Variants in HYAL4 observed in about 807,000 individuals in gnomAD.
The protein encoded by HYAL4 is hyaluronidase-4.
A neutral mutation model predicts 35.2 loss-of-function variants in HYAL4; 37 were observed. The observed-to-expected ratio is 1.05, with a 90% CI of 0.81 to 1.38. The LOEUF (loss-of-function observed/expected upper bound fraction) is 1.38. Among genes scored for constraint, HYAL4 ranks in the 40% most tolerant of loss-of-function variants. The probability of loss-of-function intolerance (pLI) is 0.00; values close to 1 mark genes in which losing one functional copy is unlikely to be tolerated. For synonymous variants in HYAL4, 198 were observed against 203.2 expected, an observed-to-expected ratio of 0.97 and a Z score of 0.22; for missense variants, 572 against 572.4, an observed-to-expected ratio of 1.00 and a Z score of 0.01.
At chr7:123,826,688 A>G (rs2116901755), upstream of HYAL4, among the ~76,000 whole-genome samples, 1 of 152,162 alleles carries the variant, frequency 6.6e-6, no homozygotes, top group Middle Eastern at 3.4e-3. Flanking sequence ...TTTATTATTG[A>G]TTCCTATTTT....
chr7:123,777,761 A>T, the HYAL4 span, among the ~76,000 whole-genome samples: 1 of 152,152 alleles, frequency 6.6e-6, no homozygotes, highest in Non-Finnish European at 1.5e-5. Flanking sequence ...GATTATAAAC[A>T]GAATTTTGTA....
chr7:123,776,375 C>T, the HYAL4 span, among the ~76,000 whole-genome samples: 3 of 152,060 alleles, frequency 2.0e-5, no homozygotes, highest in Non-Finnish European at 4.4e-5. Context: ...AATTATGGCC[C>T]TTTGGGGAGA....
chr7:123,814,706 ACT>A, the HYAL4 span: 1 of 152,560 alleles, frequency 6.6e-6, no homozygotes, highest in Non-Finnish European at 1.5e-5. Flanking sequence ...CATGAACATT[ACT>A]CTCACATTGG....
At chr7:123,791,429 A>G in the HYAL4 span, among the ~76,000 whole-genome samples, 2 of 152,246 alleles carry the variant, frequency 1.3e-5, no homozygotes, top group Admixed American at 6.5e-5. Flanking sequence ...AAGAGATGGT[A>G]TGCTTCTTTA....
At chr7:123,850,622 C>A (rs1468341002) in intron 2 of HYAL4, among the ~76,000 whole-genome samples, 1 of 152,166 alleles carries the variant, frequency 6.6e-6, no homozygotes, top group Non-Finnish European at 1.5e-5. Flanking sequence ...AGTCTCTTTA[C>A]CTAAGTACTA....
intron 2 of HYAL4, among the ~76,000 whole-genome samples, chr7:123,865,963 G>T (rs1236178873): frequency 6.6e-6 from 1 of 152,104 alleles, no homozygotes; most frequent in Non-Finnish European, 1.5e-5. Flanking sequence ...CATGCTCAGG[G>T]GAACCACCCT....
At position 123,877,304 on chromosome 7, in the gene HYAL4, T is replaced by C; in HGVS notation, c.*149T>C. ...TGTCACTTAACATAAACAGAAACAT[T>C]ATTTTATTTGCCTCCAGTCTGGCTA... On this transcript the variant is annotated 3_prime_UTR_variant, in exon 5 of 5. Transcript: ENST00000223026. 1.3e-6 allele frequency: 1 copy of C among 790,502 alleles called. No homozygotes were observed. Among genetic ancestry groups the C allele is most frequent in the Non-Finnish European group, 1.9e-6 (1 of 518,904 alleles). 49.0% of individuals were successfully genotyped at this position (790,502 alleles called of 1,614,324 possible). A position where few individuals can be genotyped will look rare whatever the true frequency, so the allele number is the denominator to read the frequency against.
the HYAL4 span, among the ~76,000 whole-genome samples, chr7:123,793,343 A>T: frequency 6.6e-6 from 1 of 152,210 alleles, no homozygotes; most frequent in Non-Finnish European, 1.5e-5. Context: ...CCTTATGCCT[A>T]ACTGTTTTAC....
chr7:123,776,207 G>C, the HYAL4 span, among the ~76,000 whole-genome samples: 5 of 152,312 alleles, frequency 3.3e-5, no homozygotes, highest in African/African-American at 1.2e-4. Context: ...TTGGGAACTG[G>C]TAGGATAAGC....
At position 123,874,808 on chromosome 7, in the gene HYAL4, A is replaced by G. The variant is rs1806969380; in HGVS notation, c.1002A>G (p.Ala334=). 6.2e-7 allele frequency: 1 copy of G among 1,610,216 alleles called. No individual in the cohort carries two copies. Among genetic ancestry groups the G allele is most frequent in the Admixed American group, 1.7e-5 (1 of 59,994 alleles). ...GAGAAAGTGCTGCCTTGGGAGCTGCAGGCATTGTTATTTGGGGAGACATGA... is the reference window on the plus strand; with the variant it reads ...GAGAAAGTGCTGCCTTGGGAGCTGCGGGCATTGTTATTTGGGGAGACATGA... ...TIGESAALGA[A]GIVIWGDMNL... The change falls in exon 4 of 5, where the codon GCA becomes GCG. Residue 334 remains alanine, a synonymous_variant. Coordinates refer to ENST00000223026, the MANE Select transcript of HYAL4 (RefSeq NM_012269.3).
the HYAL4 span, among the ~76,000 whole-genome samples, chr7:123,777,299 AAG>A: frequency 6.6e-6 from 1 of 152,078 alleles, no homozygotes; most frequent in Non-Finnish European, 1.5e-5. Flanking sequence ...CAGTATAAAA[AAG>A]AATGTAAAAT....
chr7:123,794,542 G>T, the HYAL4 span, among the ~76,000 whole-genome samples: 2 of 152,200 alleles, frequency 1.3e-5, no homozygotes, highest in Non-Finnish European at 2.9e-5. Flanking sequence ...CTGAGTCCCA[G>T]CTGCTTCAGC....
chr7:123,809,260 C>T, the HYAL4 span, among the ~76,000 whole-genome samples: 3 of 152,172 alleles, frequency 2.0e-5, no homozygotes, highest in Non-Finnish European at 4.4e-5. Context: ...TCAAGAGAAT[C>T]CCCTAGATCA....
At chr7:123,836,505 ATAGT>A (rs986734360) in intron 1 of HYAL4, among the ~76,000 whole-genome samples, 2 of 152,142 alleles carry the variant, frequency 1.3e-5, no homozygotes, top group South Asian at 2.1e-4. Flanking sequence ...GGCAGCATTG[ATAGT>A]TGGTTGGTAA....
the HYAL4 span, among the ~76,000 whole-genome samples, chr7:123,775,316 C>T: frequency 6.6e-6 from 1 of 152,066 alleles, no homozygotes. Flanking sequence ...ATAGTACTAG[C>T]TACTCAAGAG....
intron 1 of HYAL4, among the ~76,000 whole-genome samples, chr7:123,830,634 G>C (rs527540571): frequency 1.1e-4 from 16 of 152,202 alleles, no homozygotes; most frequent in African/African-American, 2.9e-4. Context: ...ACAATTTTCT[G>C]AATCAGAAGG....
the HYAL4 span, among the ~76,000 whole-genome samples, chr7:123,804,626 A>G: frequency 1.3e-5 from 2 of 152,030 alleles, no homozygotes; most frequent in Non-Finnish European, 2.9e-5. Flanking sequence ...CCCATCACAT[A>G]TATTCCCACA....
the HYAL4 span, among the ~76,000 whole-genome samples, chr7:123,810,652 A>G: frequency 3.3e-5 from 5 of 152,322 alleles, no homozygotes; most frequent in Non-Finnish European, 7.4e-5. Context: ...TAACTGATGA[A>G]CCTACATGGA....
At chr7:123,824,384 G>A (rs1304499914), upstream of HYAL4, among the ~76,000 whole-genome samples, 1 of 152,152 alleles carries the variant, frequency 6.6e-6, no homozygotes, top group East Asian at 1.9e-4. Flanking sequence ...CTAATTCAAA[G>A]ATGGGTTTAG....
Sources: gnomAD v4.1 joint callset for allele counts (sites outside exome capture counted in the v4.1 genomes callset) on GRCh38, gnomAD v4.1.1 for gene constraint, MANE v1.5 for transcripts, NCBI Gene and HGNC (gene_info 2026-07-23, HGNC 2026-07-21) for gene names.